COL6A2: variants seen among roughly 807,000 people sequenced by gnomAD.
COL6A2 encodes collagen type VI alpha 2 chain.
A neutral mutation model predicts 124.9 loss-of-function variants in COL6A2; 90 were observed. The observed-to-expected ratio is 0.72, with a 90% CI of 0.61 to 0.86. The LOEUF (loss-of-function observed/expected upper bound fraction) is 0.86, where lower values mean the gene tolerates loss of function less well. Among genes scored for constraint, COL6A2 ranks in the 40% least tolerant of loss-of-function variants. COL6A2 has a pLI of 0.00. For synonymous variants in COL6A2, 793 were observed against 618.2 expected (o/e 1.28, Z -4.19); for missense variants, 1,607 against 1,502.5 (o/e 1.07, Z -1.15).
At position 46,116,693 on chromosome 21, in the gene COL6A2, A is replaced by G. The variant is rs568409782; in HGVS notation, c.954+16A>G. 1 of 1,612,976 alleles carries G rather than the reference A, an allele frequency of 6.2e-7. No individual in the cohort carries two copies. The highest frequency in any genetic ancestry group is 8.5e-7 in the Non-Finnish European group (1 of 1,179,986). On this transcript the variant is annotated intron_variant, in intron 9 of 27. Transcript: ENST00000300527. This position sits in a 1 kb window ranked among gnomAD's most constrained non-coding sequence, Gnocchi z 4.6. Reference sequence around the variant, plus strand: ...CGGTCGCAAGGTAGGCTGGCTGGGTAGGCAGAGCCCCTCCTTCCTGCTGCT... The same window carrying G: ...CGGTCGCAAGGTAGGCTGGCTGGGTGGGCAGAGCCCCTCCTTCCTGCTGCT...
intron 3 of COL6A2, 83 bp from the exon 4 acceptor site, chr21:46,112,721 C>T (rs1264657780): frequency 3.1e-6 from 5 of 1,605,518 alleles, no homozygotes; most frequent in Non-Finnish European, 3.4e-6. Flanking sequence ...CTCAGGTGTC[C>T]CTCCATCCCC....
chr21:46,121,228 A>AGGGT (rs2078561312), intron 17 of COL6A2, 105 bp downstream of exon 17: 1 of 1,141,510 alleles, frequency 8.8e-7, no homozygotes, highest in South Asian at 1.3e-5. Context: ...TAGCAAACCC[A>AGGGT]GGCAGCAGAG....
At chr21:46,101,304 A>G (rs1188105797) in intron 1 of COL6A2, among the ~76,000 whole-genome samples, 1 of 152,190 alleles carries the variant, frequency 6.6e-6, no homozygotes, top group Non-Finnish European at 1.5e-5. Context: ...TATTCTGGAT[A>G]TTAATCCCTT....
At chr21:46,117,842 G>C (rs1218101554) in intron 11 of COL6A2, 32 bp from the exon 12 acceptor site, 1 of 1,598,752 alleles carries the variant, frequency 6.3e-7, no homozygotes, top group Non-Finnish European at 8.5e-7. Context: ...CACCCGCCGT[G>C]TGCCGAGCTC....
chr21:46,121,623 G>T lies in COL6A2; in HGVS notation c.1521+5G>T, dbSNP rs760353646. ...TCAGGACAGCCAGGCCCCAAGGTAC[G>T]TGCCCCTCCCCCAGCAGGACGTATT... is the stretch of plus-strand genomic sequence containing the variant. On this transcript the variant is annotated splice_donor_5th_base_variant and intron_variant, in intron 18 of 27. Transcript: ENST00000300527. 1 of 1,612,656 alleles carries T rather than the reference G, an allele frequency of 6.2e-7. No individual in the cohort carries two copies. The highest frequency in any genetic ancestry group is 1.7e-5 in the Admixed American group (1 of 60,014).
Position 46,112,320 on chromosome 21 carries a change from A to G in COL6A2, c.457A>G (p.Thr153Ala). 2.5e-6 allele frequency: 4 copies of G among 1,611,778 alleles called. No individual in the cohort carries two copies. Among genetic ancestry groups the G allele is most frequent in the Non-Finnish European group, 3.4e-6 (4 of 1,179,590 alleles). The change falls in exon 3 of 28, where the codon ACC becomes GCC. Residue 153 changes from threonine to alanine, a missense_variant. Physicochemically the swap from Thr to Ala is moderately conservative, Grantham distance 58. Around this residue, in one of 3 missense-constraint regions of COL6A2, gnomAD observed 342 missense variants for 381.5 expected, o/e 0.90. Transcript: ENST00000300527. ...GATCCGGCAGGACCGCAGCAAGGGC[A>G]CCGTCCACTTCGCCGTGGTCATCAC... ...EQIRQDRSKG[T>A]VHFAVVITDG...
In COL6A2 at chr21:46,129,196, A is replaced by C. The variant is rs754626936; in HGVS notation, c.2461+2655A>C. On this transcript the variant is annotated intron_variant, in intron 27 of 27. Transcript: ENST00000300527. ...GTCTTCTCTGGACGCTCCCTTGCAG[A>C]TGCACCGTGGCCTGGCGGCGAGCCC... 8 of 1,612,728 alleles carry C rather than the reference A, an allele frequency of 5.0e-6. No homozygotes were observed. The African/African-American group carries it at 1.1e-4, about 22-fold the overall frequency.
intron 1 of COL6A2, among the ~76,000 whole-genome samples, chr21:46,100,557 G>C (rs766050392): frequency 6.6e-6 from 1 of 152,062 alleles, no homozygotes; most frequent in Admixed American, 6.6e-5. Context: ...GCACCAACTC[G>C]CATCACCCCT....
chr21:46,117,308 G>A lies in COL6A2; in HGVS notation c.1000-92G>A, dbSNP rs143691012. The A allele has an allele frequency of 0.049, 64,044 of 1,301,034 alleles. 1,927 individuals are homozygous for A. Among genetic ancestry groups the A allele is most frequent in the Non-Finnish European group, 0.058 (53,301 of 915,908 alleles). The allele number at this position is 1,301,034 out of a possible 1,614,324, so 80.6% of individuals were successfully genotyped here. On this transcript the variant is annotated intron_variant, in intron 10 of 27. Transcript: ENST00000300527. ...CAGGAGGAGAGCGCTGCAGCCCTGC[G>A]GGGCAGAACCGGGTGGGCTGTGTCT...
Position 46,101,543 on chromosome 21 carries a change from C to T in COL6A2, c.-28+3370C>T, listed in dbSNP as rs150104105. On this transcript the variant is annotated intron_variant, in intron 1 of 27. Coordinates refer to ENST00000300527, the MANE Select transcript of COL6A2 (RefSeq NM_001849.4). ...GGTTTTAAAGTTTTAGGTCTTAAAA[C>T]GTAAAGATCCATTTTGAGTTAATTT... Among the ~76,000 whole-genome samples the T allele has an allele frequency of 2.5e-3, 385 of 152,140 alleles. 2 individuals carry two copies. The highest frequency in any genetic ancestry group is 8.4e-3 in the African/African-American group (348 of 41,510).
intron 16 of COL6A2, 33 bp downstream of exon 16, chr21:46,120,610 A>G: frequency 6.9e-7 from 1 of 1,440,682 alleles, no homozygotes. Flanking sequence ...ACCCCAAGGT[A>G]GGGGATCTGA....
intron 15 of COL6A2, 120 bp downstream of exon 15, chr21:46,119,970 A>T: frequency 1.1e-6 from 1 of 892,576 alleles, no homozygotes; most frequent in South Asian, 1.4e-5. Context: ...CACTCTCCAG[A>T]GTTCACTCTC....
chr21:46,129,782 T>C lies in COL6A2; in HGVS notation c.2462-2172T>C, dbSNP rs114837591. The C allele has an allele frequency of 6.5e-3, 8,364 of 1,285,972 alleles. 321 individuals are homozygous for C. In the South Asian group the frequency reaches 0.072, roughly 11 times the overall value. The allele number at this position is 1,285,972 out of a possible 1,614,324, so 79.7% of individuals were successfully genotyped here. A position where few individuals can be genotyped will look rare whatever the true frequency, so the allele number is the denominator to read the frequency against. ...GGCCCACCCCAAGTCCAGAATGACC[T>C]CGCAAGACCCTTAACTCACTCCCGT... On this transcript the variant is annotated intron_variant, in intron 27 of 27. Coordinates refer to ENST00000300527, the MANE Select transcript of COL6A2 (RefSeq NM_001849.4).
At chr21:46,108,588 T>C (rs1403035120) in intron 1 of COL6A2, among the ~76,000 whole-genome samples, 3 of 152,204 alleles carry the variant, frequency 2.0e-5, no homozygotes, top group Admixed American at 6.5e-5. Context: ...TGTCTGGCTG[T>C]TGTTGTTTCT....
Position 46,132,042 on chromosome 21 carries a change from C to A in COL6A2, c.2550C>A (p.His850Gln). The A allele has an allele frequency of 6.2e-7, 1 of 1,608,172 alleles. No homozygotes were observed. Among genetic ancestry groups the A allele is most frequent in the Non-Finnish European group, 8.5e-7 (1 of 1,179,170 alleles). Reference protein sequence around the residue: ...GSERLGEQNFHKARRFVEQVA... With the variant: ...GSERLGEQNFQKARRFVEQVA... Reference sequence around the variant, plus strand: ...AGCGGCTGGGTGAGCAGAACTTCCACAAGGCCCGGCGCTTCGTGGAGCAGG... The same window carrying A: ...AGCGGCTGGGTGAGCAGAACTTCCAAAAGGCCCGGCGCTTCGTGGAGCAGG... Residue 850 changes from histidine to glutamine, a missense_variant, in exon 28 of 28, where the codon CAC becomes CAA. Transcript: ENST00000300527.
chr21:46,130,435 T>G (rs1299944853), intron 27 of COL6A2, among the ~76,000 whole-genome samples: 1 of 152,090 alleles, frequency 6.6e-6, no homozygotes, highest in Non-Finnish European at 1.5e-5. Flanking sequence ...GCTGGGCTCC[T>G]GCCGGGCACG....
At chr21:46,104,541 G>T (rs963806163) in intron 1 of COL6A2, among the ~76,000 whole-genome samples, 4 of 152,152 alleles carry the variant, frequency 2.6e-5, no homozygotes, top group Non-Finnish European at 5.9e-5. Flanking sequence ...GGGGTCTGTG[G>T]GATACCATCA....
rs769165553 is a variant in COL6A2 at position 46,119,053 on chromosome 21, C to T, written c.1203C>T (p.Ala401=). The change falls in exon 14 of 28, where the codon GCC becomes GCT. Residue 401 remains alanine (A), a synonymous_variant. Transcript: ENST00000300527. ...GSKGYQGNSG[A]PGSPGVKGAK... is the part of the protein sequence containing the mutation. ...AGGGGTATCAAGGCAACAGTGGAGC[C>T]CCAGGAAGTCCTGGTGTGAAAGGAG... 8.7e-6 allele frequency: 14 copies of T among 1,612,022 alleles called. No individual in the cohort carries two copies. Among genetic ancestry groups the T allele is most frequent in the Non-Finnish European group, 1.2e-5 (14 of 1,179,498 alleles).
chr21:46,122,466 G>A (rs1283286267), intron 19 of COL6A2, 30 bp from the exon 20 acceptor site: 3 of 1,612,874 alleles, frequency 1.9e-6, no homozygotes, highest in Non-Finnish European at 2.5e-6. Flanking sequence ...ATCTGAGGCT[G>A]AGTCACCCTG....
Sources: allele counts gnomAD v4.1 joint callset (sites outside exome capture counted in the v4.1 genomes callset), GRCh38; gene constraint gnomAD v4.1.1; regional missense constraint gnomAD v4.1.1; non-coding constraint Gnocchi (gnomAD v3.1); transcripts MANE v1.5; gene names NCBI Gene and HGNC (gene_info 2026-07-23, HGNC 2026-07-21).